The following ATP11C variants were observed in gnomAD, a reference collection of about 807,000 sequenced individuals.
ATP11C encodes the protein phospholipid-transporting ATPase IG.
In ATP11C, 36 loss-of-function variants were observed where a neutral mutation model predicts 97.4. The observed-to-expected ratio is 0.37, with a 90% CI of 0.28 to 0.49. ATP11C has a LOEUF of 0.49. Among genes scored for constraint, ATP11C ranks in the 20% least tolerant of loss-of-function variants. The pLI, the probability that ATP11C is intolerant of heterozygous loss-of-function variation, is 0.98. For missense variants in ATP11C, 730 were observed against 824.6 expected (o/e 0.89, Z 1.40); for synonymous variants, 275 against 290.9 (o/e 0.95, Z 0.56).
chrX:139,901,521 A>G (rs1207763495), intron 1 of ATP11C, among the ~76,000 whole-genome samples: 1 of 111,898 alleles, frequency 8.9e-6, no homozygotes, highest in Non-Finnish European at 1.9e-5. Context: ...CCCTGAACAT[A>G]GCTGGCAACT....
intron 1 of ATP11C, among the ~76,000 whole-genome samples, chrX:139,843,094 T>C (rs764021345): frequency 5.3e-5 from 6 of 112,239 alleles, no homozygotes; most frequent in African/African-American, 9.7e-5. Flanking sequence ...GCAGCTTAAT[T>C]AAGAGTCCCT....
At chrX:139,888,500 G>A (rs1206190956) in intron 1 of ATP11C, among the ~76,000 whole-genome samples, 3 of 111,312 alleles carry the variant, frequency 2.7e-5, no homozygotes, top group Non-Finnish European at 3.8e-5. Context: ...AAAATCATTA[G>A]TCATTAGGAA....
At chrX:139,745,939 T>C (rs2081675266) in intron 24 of ATP11C, 82 bp from the exon 25 acceptor site, 5 of 1,049,022 alleles carry the variant, frequency 4.8e-6, no homozygotes. Flanking sequence ...GGGCGTGGAA[T>C]TTGACCCTGT....
chrX:139,795,186 C>A (rs1419017400), intron 12 of ATP11C, among the ~76,000 whole-genome samples: 1 of 111,611 alleles, frequency 9.0e-6, no homozygotes, highest in African/African-American at 3.3e-5. Flanking sequence ...ATTCTTAGTG[C>A]CTTGGTATCT....
chrX:139,830,729 A>T (rs2083629419), intron 1 of ATP11C, among the ~76,000 whole-genome samples: 1 of 112,125 alleles, frequency 8.9e-6, no homozygotes, highest in Admixed American at 9.5e-5. Flanking sequence ...AAGACTTGGC[A>T]ATGATTTAAA....
intron 6 of ATP11C, among the ~76,000 whole-genome samples, chrX:139,802,727 G>C (rs940293070): frequency 9.9e-5 from 11 of 111,336 alleles, no homozygotes; most frequent in African/African-American, 3.6e-4. Context: ...TGGCAATGGA[G>C]ATATACACAT....
chrX:139,901,324 A>C (rs765576814), intron 1 of ATP11C, among the ~76,000 whole-genome samples: 12 of 112,017 alleles, frequency 1.1e-4, no homozygotes, highest in Non-Finnish European at 2.1e-4. Context: ...TGCTCCCTTG[A>C]AGTGGCCACC....
intron 1 of ATP11C, among the ~76,000 whole-genome samples, chrX:139,893,107 C>T (rs941921129): frequency 8.9e-6 from 1 of 112,240 alleles, no homozygotes; most frequent in Non-Finnish European, 1.9e-5. Flanking sequence ...GGGGCAATCT[C>T]GGCTCACTGC....
At chrX:139,833,578 T>C (rs1182101343) in intron 1 of ATP11C, among the ~76,000 whole-genome samples, 1 of 110,306 alleles carries the variant, frequency 9.1e-6, no homozygotes, top group Non-Finnish European at 1.9e-5. Context: ...TAGTCCTACC[T>C]ACTAGGGAAC....
intron 1 of ATP11C, among the ~76,000 whole-genome samples, chrX:139,849,802 G>A (rs771421786): frequency 8.9e-6 from 1 of 112,515 alleles, no homozygotes; most frequent in Non-Finnish European, 1.9e-5. Flanking sequence ...AGATAATTAG[G>A]CCATGAGGGC....
At chrX:139,772,299 T>C (rs983420673) in intron 19 of ATP11C, among the ~76,000 whole-genome samples, 2 of 112,413 alleles carry the variant, frequency 1.8e-5, no homozygotes, top group Non-Finnish European at 3.8e-5. Context: ...TGGAAACGTG[T>C]GGATGTCCAG....
At chrX:139,812,468 T>C (rs902117750) in intron 5 of ATP11C, among the ~76,000 whole-genome samples, 2 of 110,580 alleles carry the variant, frequency 1.8e-5, no homozygotes, top group African/African-American at 6.6e-5. Context: ...TGCTTTGCAA[T>C]TTTACGTAGT....
At chrX:139,758,745 T>C (rs1261011020) in intron 22 of ATP11C, among the ~76,000 whole-genome samples, 1 of 112,118 alleles carries the variant, frequency 8.9e-6, no homozygotes, top group Non-Finnish European at 1.9e-5. Flanking sequence ...TTGGTCATGA[T>C]GTCTCTGAAC....
At chrX:139,890,806 G>A (rs369441208) in intron 1 of ATP11C, among the ~76,000 whole-genome samples, 29 of 111,031 alleles carry the variant, frequency 2.6e-4, no homozygotes, top group East Asian at 1.4e-3. Context: ...GCTGGAGTAC[G>A]CCATAACAGA....
intron 26 of ATP11C, among the ~76,000 whole-genome samples, chrX:139,742,286 C>G (rs2148629361): frequency 8.9e-6 from 1 of 111,803 alleles, no homozygotes; most frequent in East Asian, 2.8e-4. Flanking sequence ...AGGGTAGGTG[C>G]TACTTCTATC....
rs139785604 is a variant in ATP11C, at chrX:139,897,563, C to T, written c.27+34453G>A. 7.5e-3 allele frequency among the ~76,000 whole-genome samples: 809 copies of T among 108,393 alleles called. 6 individuals carry two copies. The highest frequency in any genetic ancestry group is 0.025 in the African/African-American group (727 of 29,647). 94.1% of individuals were successfully genotyped at this position (108,393 alleles called of 115,157 possible). A position where few individuals can be genotyped will look rare whatever the true frequency, so the allele number is the denominator to read the frequency against. On this transcript the variant is annotated intron_variant, in intron 1 of 29. Coordinates refer to ENST00000682941, the MANE Select transcript of ATP11C (RefSeq NM_001353812.2). The stretch of plus-strand genomic sequence containing the variant: ...GCACACACCTATAATCCCAGCTACT[C>T]AGGAAGCTGAGGCATGAGAATTACT...
intron 24 of ATP11C, among the ~76,000 whole-genome samples, chrX:139,747,349 G>A (rs1286645958): frequency 9.0e-6 from 1 of 111,578 alleles, no homozygotes; most frequent in Non-Finnish European, 1.9e-5. Context: ...GGAGCAGCAT[G>A]ATATGTTGAA....
intron 1 of ATP11C, among the ~76,000 whole-genome samples, chrX:139,897,405 C>T (rs1407923434): frequency 9.0e-6 from 1 of 110,810 alleles, no homozygotes. Flanking sequence ...TGAATTGGGC[C>T]GAGCGCAGAG....
chrX:139,768,490 C>A, intron 19 of ATP11C, 56 bp from the exon 20 acceptor site: 3 of 940,480 alleles, frequency 3.2e-6, no homozygotes, highest in Non-Finnish European at 4.1e-6. Context: ...TGTTTAGGAT[C>A]CAGATTTTTT....
Sources: gnomAD v4.1 joint callset for allele counts (sites outside exome capture counted in the v4.1 genomes callset) on GRCh38, gnomAD v4.1.1 for gene constraint, MANE v1.5 for transcripts, NCBI Gene and HGNC (gene_info 2026-07-23, HGNC 2026-07-21) for gene names.